KIF21B: variants seen among roughly 807,000 people sequenced by gnomAD.
KIF21B encodes kinesin family member 21B.
KIF21B carries 85 observed loss-of-function variants against 192.9 expected under a neutral mutation model. The observed-to-expected ratio is 0.44, with a 90% confidence interval of 0.37 to 0.53. The LOEUF (loss-of-function observed/expected upper bound fraction) is 0.53, where lower values mean the gene tolerates loss of function less well. KIF21B is among the 20% of genes least tolerant of loss of function. KIF21B has a pLI of 0.00. For synonymous variants in KIF21B, 832 were observed against 884.6 expected, an observed-to-expected ratio of 0.94 and a Z score of 1.05; for missense variants, 1,716 against 2,194.8, an observed-to-expected ratio of 0.78 and a Z score of 4.36.
chr1:201,004,509 G>A (rs1196483853), intron 6 of KIF21B, 54 bp from the exon 7 acceptor site: 1 of 1,452,566 alleles, frequency 6.9e-7, no homozygotes, highest in Non-Finnish European at 9.5e-7. Context: ...GAAGGGTAGG[G>A]AGGGACAAGA....
Position 200,990,559 on chromosome 1 carries a change from G to C in KIF21B, c.2835+17C>G, listed in dbSNP as rs756695960. ...GCAGAGGGGTGGAATGGAAGAGAAGGGGGAGGCAGGGCTCACCTTGATGAG... is the reference window on the plus strand; with the variant it reads ...GCAGAGGGGTGGAATGGAAGAGAAGCGGGAGGCAGGGCTCACCTTGATGAG... On this transcript the variant is annotated intron_variant, in intron 19 of 34. Transcript: ENST00000461742. This position sits in a 1 kb window ranked among gnomAD's most constrained non-coding sequence, Gnocchi z 5.4. 5 of 1,611,708 alleles carry C rather than the reference G, an allele frequency of 3.1e-6. No individual in the cohort carries two copies. The Admixed American group carries it at 6.7e-5, about 22-fold the overall frequency.
intron 32 of KIF21B, among the ~76,000 whole-genome samples, chr1:200,976,507 T>C (rs550173798): frequency 6.6e-6 from 1 of 152,252 alleles, no homozygotes; most frequent in Non-Finnish European, 1.5e-5. Context: ...TTTTAATAGC[T>C]GCAATGCATC....
intron 3 of KIF21B, among the ~76,000 whole-genome samples, chr1:201,007,581 C>T (rs1334614699): frequency 2.6e-5 from 4 of 151,068 alleles, no homozygotes; most frequent in Non-Finnish European, 5.9e-5. Flanking sequence ...CACACAGACA[C>T]ACACATAGAC....
chr1:201,014,264 G>A (rs1433499177), intron 1 of KIF21B, among the ~76,000 whole-genome samples: 4 of 152,236 alleles, frequency 2.6e-5, no homozygotes, highest in African/African-American at 9.6e-5. Flanking sequence ...CGGCTGGGGA[G>A]CCCCTATCCT....
chr1:201,016,754 A>ATT (rs1216787835), intron 1 of KIF21B, among the ~76,000 whole-genome samples: 1 of 152,042 alleles, frequency 6.6e-6, no homozygotes, highest in Non-Finnish European at 1.5e-5. Context: ...TTGCCCTCCC[A>ATT]TTTGTCCCTC....
chr1:201,000,631 CG>C lies in KIF21B; in HGVS notation c.1467-24del. The C allele has an allele frequency of 1.2e-6, 2 of 1,613,146 alleles. No homozygotes were observed. The highest frequency in any genetic ancestry group is 1.7e-6 in the Non-Finnish European group (2 of 1,179,694). Reference sequence around the variant, plus strand: ...GTCCTGCACAGGAAGAACGAGTGGACGGGGCCGAGTGAGCTGCCACAGCCCT... The same window carrying C: ...GTCCTGCACAGGAAGAACGAGTGGACGGGCCGAGTGAGCTGCCACAGCCCT... On this transcript the variant is annotated intron_variant, in intron 10 of 34. Coordinates refer to ENST00000461742, the MANE Select transcript of KIF21B (RefSeq NM_001252102.2). This position sits in a 1 kb window ranked among gnomAD's most constrained non-coding sequence, Gnocchi z 6.0.
intron 28 of KIF21B, 79 bp from the exon 29 acceptor site, chr1:200,981,175 G>A: frequency 6.8e-7 from 1 of 1,466,670 alleles, no homozygotes; most frequent in African/African-American, 1.4e-5. Context: ...ACGTGTGTGG[G>A]ATGGGGACAG....
intron 8 of KIF21B, 83 bp from the exon 9 acceptor site, chr1:201,002,433 G>C: frequency 7.8e-7 from 1 of 1,286,220 alleles, no homozygotes; most frequent in Non-Finnish European, 1.1e-6. Context: ...CCCTCCCTCT[G>C]CCAGCGCCCT....
Position 201,012,932 on chromosome 1 carries a change from C to T in KIF21B, c.42-3444G>A, listed in dbSNP as rs868003910. On this transcript the variant is annotated intron_variant, in intron 1 of 34. Transcript: ENST00000461742. Reference sequence around the variant, plus strand: ...ATGGCATTATAGGTGTGAGCTACCACGCCCAGCTGAAAACTCTTAATCCTA... The same window carrying T: ...ATGGCATTATAGGTGTGAGCTACCATGCCCAGCTGAAAACTCTTAATCCTA... 3.9e-5 allele frequency among the ~76,000 whole-genome samples: 6 copies of T among 152,318 alleles called. No homozygotes were observed. The South Asian group carries it at 6.2e-4, about 16-fold the overall frequency.
intron 2 of KIF21B, 25 bp downstream of exon 2, chr1:201,009,241 A>G (rs373149908): frequency 6.7e-5 from 108 of 1,604,736 alleles, no homozygotes; most frequent in African/African-American, 1.7e-4. Context: ...TGGAGCCGCC[A>G]TAGGTGGGCG....
chr1:200,993,185 C>T (rs1656816907), intron 15 of KIF21B, among the ~76,000 whole-genome samples: 1 of 152,242 alleles, frequency 6.6e-6, no homozygotes, highest in African/African-American at 2.4e-5. Context: ...GCTGGGAAGC[C>T]ACTGACCTCG....
Position 201,003,634 on chromosome 1 carries a change from C to T in KIF21B, c.1164G>A (p.Leu388=). 6.2e-7 allele frequency: 1 copy of T among 1,614,210 alleles called. No individual in the cohort carries two copies. The highest frequency in any genetic ancestry group is 1.3e-5 in the African/African-American group (1 of 75,070). ...QDKTSQQISA[L]RAEIARLQME... ...TCTGCAGCCGAGCAATCTCAGCCCGCAGTGCACTGATTTGCTGGCTGGTCT... is the reference window on the plus strand; with the variant it reads ...TCTGCAGCCGAGCAATCTCAGCCCGTAGTGCACTGATTTGCTGGCTGGTCT... Residue 388 remains leucine, a synonymous_variant, in exon 8 of 35, where the codon CTG becomes CTA. Coordinates refer to ENST00000461742, the MANE Select transcript of KIF21B (RefSeq NM_001252102.2).
rs940643511 is a variant in KIF21B at position 200,997,603 on chromosome 1, C to T, written c.2077+781G>A. On this transcript the variant is annotated intron_variant, in intron 14 of 34. Transcript: ENST00000461742. ...ACTAAAAATACAAAAATTAGCCGGG[C>T]GTGGTGGCGGGCGCTTGTAGTCCCA... Among the ~76,000 whole-genome samples the T allele has an allele frequency of 5.3e-5, 8 of 152,094 alleles. No individual in the cohort carries two copies. The South Asian group carries it at 1.0e-3, about 20-fold the overall frequency.
rs1351436784 is a variant in KIF21B, at chr1:200,975,445, G to C, written c.4614+54C>G. On this transcript the variant is annotated intron_variant, in intron 33 of 34. Coordinates refer to ENST00000461742, the MANE Select transcript of KIF21B (RefSeq NM_001252102.2). This position sits in a 1 kb window ranked among gnomAD's most constrained non-coding sequence, Gnocchi z 4.3. ...CCAGGGTCTCCAAGGCCCTGCGTGG[G>C]CTATGGAAACCACCCTACCCGAGTC... The C allele has an allele frequency of 2.6e-6, 4 of 1,540,258 alleles. No homozygotes were observed. Among genetic ancestry groups the C allele is most frequent in the Non-Finnish European group, 3.5e-6 (4 of 1,127,842 alleles).
chr1:200,974,587 C>T (rs1655419735), intron 34 of KIF21B, 127 bp downstream of exon 34: 2 of 957,718 alleles, frequency 2.1e-6, no homozygotes, highest in South Asian at 1.5e-5. Context: ...AAGGAGGCCA[C>T]CATGGAATCT....
chr1:201,003,797 G>GGCTGTTGT lies in KIF21B; in HGVS notation c.1017-24_1017-17dup, dbSNP rs1170459195. On this transcript the variant is annotated splice_polypyrimidine_tract_variant and intron_variant, in intron 7 of 34. Coordinates refer to ENST00000461742, the MANE Select transcript of KIF21B (RefSeq NM_001252102.2). ...GATGGTCTGGCTGGGGGTGCAGAAAGGCTGTTGTGAGGGTGAGGGACACAG... is the reference window on the plus strand; with the variant it reads ...GATGGTCTGGCTGGGGGTGCAGAAAGGCTGTTGTGCTGTTGTGAGGGTGAGGGACACAG... The GGCTGTTGT allele has an allele frequency of 5.0e-5, 80 of 1,613,972 alleles. No homozygotes were observed. The highest frequency in any genetic ancestry group is 6.1e-5 in the Non-Finnish European group (72 of 1,179,978).
rs1655978790 is a variant in KIF21B at position 200,982,245 on chromosome 1, C to T, written c.3842+811G>A. Among the ~76,000 whole-genome samples, 2 of 152,204 alleles carry T rather than the reference C, an allele frequency of 1.3e-5. No individual in the cohort carries two copies. The highest frequency in any genetic ancestry group is 6.5e-5 in the Admixed American group (1 of 15,282). Reference sequence around the variant, plus strand: ...TATGTCAAAGGGATCATGCTCCCCCCGATGACAGCCTGGCCAGCTGGCTAA... The same window carrying T: ...TATGTCAAAGGGATCATGCTCCCCCTGATGACAGCCTGGCCAGCTGGCTAA... On this transcript the variant is annotated intron_variant, in intron 28 of 34. Coordinates refer to ENST00000461742, the MANE Select transcript of KIF21B (RefSeq NM_001252102.2). This position sits in a 1 kb window ranked among gnomAD's most constrained non-coding sequence, Gnocchi z 4.7.
chr1:200,999,531 A>G lies in KIF21B; in HGVS notation c.1768-65T>C. ...GAGGGGAGCCCAGAAGCAGAGGTGC[A>G]TCCCGACACAATGCCTCAGGTGTGT... On this transcript the variant is annotated intron_variant, in intron 12 of 34. Coordinates refer to ENST00000461742, the MANE Select transcript of KIF21B (RefSeq NM_001252102.2). This position sits in a 1 kb window ranked among gnomAD's most constrained non-coding sequence, Gnocchi z 4.7. 6.3e-7 allele frequency: 1 copy of G among 1,580,092 alleles called. No individual in the cohort carries two copies. The highest frequency in any genetic ancestry group is 8.6e-7 in the Non-Finnish European group (1 of 1,163,258).
At position 200,975,025 on chromosome 1, in the gene KIF21B, G is replaced by C; in HGVS notation, c.4615-112C>G. ...TACTTCCAGGCTCCCCTGGCCTCTA[G>C]AGCTGCCACACGGGCGGGTGACACT... is the stretch of plus-strand genomic sequence containing the variant. On this transcript the variant is annotated intron_variant, in intron 33 of 34. Coordinates refer to ENST00000461742, the MANE Select transcript of KIF21B (RefSeq NM_001252102.2). The surrounding 1 kb of genome is among the most constrained non-coding windows in gnomAD (Gnocchi z 4.3). 1 of 1,105,932 alleles carries C rather than the reference G, an allele frequency of 9.0e-7. No homozygotes were observed. The highest frequency in any genetic ancestry group is 1.3e-6 in the Non-Finnish European group (1 of 761,736). 68.5% of individuals were successfully genotyped at this position (1,105,932 alleles called of 1,614,324 possible). A position where few individuals can be genotyped will look rare whatever the true frequency, so the allele number is the denominator to read the frequency against.
Sources: gnomAD v4.1 joint callset for allele counts (sites outside exome capture counted in the v4.1 genomes callset) on GRCh38, gnomAD v4.1.1 for gene constraint, Gnocchi (gnomAD v3.1) non-coding constraint, MANE v1.5 for transcripts, NCBI Gene and HGNC (gene_info 2026-07-23, HGNC 2026-07-21) for gene names.